The following WDFY3 variants were observed in gnomAD, a reference collection of about 807,000 sequenced individuals.
WDFY3 encodes WD repeat and FYVE domain containing 3, also known as WD repeat and FYVE domain-containing protein 3.
A neutral mutation model predicts 409.6 loss-of-function variants in WDFY3; 66 were observed. The ratio of observed to expected loss-of-function variants is 0.16; its 90% CI spans 0.13 to 0.20. The LOEUF (loss-of-function observed/expected upper bound fraction) is 0.20. Among genes scored for constraint, WDFY3 ranks in the 10% least tolerant of loss-of-function variants. WDFY3 has a pLI of 1.00. For synonymous variants in WDFY3, 1,521 were observed against 1,537.1 expected, an observed-to-expected ratio of 0.99 and a Z score of 0.25; for missense variants, 3,031 against 4,298.1, an observed-to-expected ratio of 0.71 and a Z score of 8.24.
intron 49 of WDFY3, among the ~76,000 whole-genome samples, chr4:84,715,762 G>T (rs1407144804): frequency 7.4e-6 from 1 of 134,912 alleles, no homozygotes; most frequent in East Asian, 2.2e-4. Context: ...GCAACAGAGC[G>T]AGACTCTGTC....
intron 30 of WDFY3, 35 bp from the exon 31 acceptor site, chr4:84,766,407 TA>T: frequency 6.5e-7 from 1 of 1,541,584 alleles, no homozygotes; most frequent in Non-Finnish European, 8.7e-7. Flanking sequence ...ATCTCCCTAG[TA>T]GATAAGCTAA....
intron 2 of WDFY3, among the ~76,000 whole-genome samples, chr4:84,917,204 T>A (rs186754673): frequency 2.9e-4 from 44 of 152,264 alleles, no homozygotes; most frequent in Non-Finnish European, 5.4e-4. Context: ...CTTTTTTCTA[T>A]AAACTTCAGT....
intron 1 of WDFY3, among the ~76,000 whole-genome samples, chr4:84,933,621 A>G (rs1273791798): frequency 1.3e-5 from 2 of 151,978 alleles, no homozygotes; most frequent in African/African-American, 4.8e-5. Flanking sequence ...TAGATCTTAT[A>G]CATTCTTTCT....
chr4:84,776,951 G>A (rs1042541722), intron 27 of WDFY3, among the ~76,000 whole-genome samples: 1 of 152,054 alleles, frequency 6.6e-6, no homozygotes, highest in African/African-American at 2.4e-5. Context: ...GTATGAATAG[G>A]AGAAGAATTG....
chr4:84,828,414 G>T (rs1410019564), intron 9 of WDFY3, among the ~76,000 whole-genome samples: 1 of 151,988 alleles, frequency 6.6e-6, no homozygotes, highest in Non-Finnish European at 1.5e-5. Flanking sequence ...ATAAAATAAA[G>T]AACCAAAAAT....
intron 9 of WDFY3, among the ~76,000 whole-genome samples, chr4:84,828,166 G>A (rs1386148813): frequency 6.6e-6 from 1 of 152,050 alleles, no homozygotes; most frequent in Non-Finnish European, 1.5e-5. Flanking sequence ...TAGATCAAAT[G>A]ATTTAAAAAT....
chr4:84,774,982 C>A lies in WDFY3; in HGVS notation c.4593-1G>T. Reference sequence around the variant, plus strand: ...TAATTTGGCATTCTTTGAGGCTTCACTATAAGAGAAAGAAGATTTTATACA... The same window carrying A: ...TAATTTGGCATTCTTTGAGGCTTCAATATAAGAGAAAGAAGATTTTATACA... On this transcript the variant is annotated splice_acceptor_variant, in intron 28 of 67. Coordinates refer to ENST00000295888, the MANE Select transcript of WDFY3 (RefSeq NM_014991.6). LOFTEE classifies it high-confidence loss of function. 6.2e-7 allele frequency: 1 copy of A among 1,613,510 alleles called. No homozygotes were observed. Among genetic ancestry groups the A allele is most frequent in the Non-Finnish European group, 8.5e-7 (1 of 1,179,762 alleles).
Position 84,911,417 on chromosome 4 carries a change from T to C in WDFY3, c.-131-14407A>G, listed in dbSNP as rs966725506. The stretch of plus-strand genomic sequence containing the variant: ...CAACAGGATTCCTTGAGCCCAGGAA[T>C]TGAGGGTTAAAGTGAGGTATAATCG... On this transcript the variant is annotated intron_variant, in intron 2 of 67. Transcript: ENST00000295888. Among the ~76,000 whole-genome samples, 6 of 152,178 alleles carry C rather than the reference T, an allele frequency of 3.9e-5. No homozygotes were observed. The East Asian group carries it at 7.8e-4, about 20-fold the overall frequency.
chr4:84,772,085 T>C (rs1744773381), intron 30 of WDFY3, among the ~76,000 whole-genome samples: 2 of 152,186 alleles, frequency 1.3e-5, no homozygotes, highest in African/African-American at 4.8e-5. Flanking sequence ...TCCAGGTAGA[T>C]GGGGTTGTAT....
chr4:84,894,604 TA>T (rs1241872989), intron 3 of WDFY3, among the ~76,000 whole-genome samples: 4 of 151,960 alleles, frequency 2.6e-5, no homozygotes, highest in African/African-American at 9.7e-5. Context: ...CTGGCCAACA[TA>T]GTGAAACCCT....
At chr4:84,832,911 G>T (rs1755958399) in intron 7 of WDFY3, among the ~76,000 whole-genome samples, 1 of 150,778 alleles carries the variant, frequency 6.6e-6, no homozygotes, top group South Asian at 2.1e-4. Context: ...GACAGTTTTA[G>T]AAAAAAAAGG....
intron 3 of WDFY3, among the ~76,000 whole-genome samples, chr4:84,893,891 G>A (rs1163092529): frequency 1.3e-5 from 2 of 152,048 alleles, no homozygotes; most frequent in African/African-American, 4.8e-5. Flanking sequence ...TCAGGAGGCT[G>A]AGGCAGAGAA....
At chr4:84,683,652 G>A (rs1224240349) in intron 63 of WDFY3, among the ~76,000 whole-genome samples, 1 of 152,134 alleles carries the variant, frequency 6.6e-6, no homozygotes, top group Non-Finnish European at 1.5e-5. Flanking sequence ...TCTGCAGTTC[G>A]CATGTTGAGC....
chr4:84,882,255 T>C (rs899729028), intron 3 of WDFY3, among the ~76,000 whole-genome samples: 1 of 152,114 alleles, frequency 6.6e-6, no homozygotes, highest in Admixed American at 6.5e-5. Flanking sequence ...CTACCACAGG[T>C]ATAATAAAAG....
In WDFY3 at chr4:84,766,334, G is replaced by C; in HGVS notation, c.4888C>G (p.Leu1630Val). 1 of 1,603,474 alleles carries C rather than the reference G, an allele frequency of 6.2e-7. No homozygotes were observed. The highest frequency in any genetic ancestry group is 8.5e-7 in the Non-Finnish European group (1 of 1,176,838). ...EEFGGLVSAN[L>V]ILLRNRLLDI... is the part of the protein sequence containing the mutation. ...AGAAGTCTGTTCCTCAAAAGTATAA[G>C]ATTAGCTGATACAAGACCTCCAAAC... The change falls in exon 31 of 68, where the codon CTT becomes GTT. Residue 1630 changes from leucine to valine, a missense_variant. Leu to Val is a conservative substitution (Grantham distance 32). Around this residue, in one of 16 missense-constraint regions of WDFY3, gnomAD observed 342 missense variants for 463.7 expected, o/e 0.74. Transcript: ENST00000295888.
intron 3 of WDFY3, among the ~76,000 whole-genome samples, chr4:84,873,775 T>G (rs960789137): frequency 4.0e-5 from 6 of 149,914 alleles, no homozygotes; most frequent in South Asian, 2.1e-4. Context: ...TTTTTTGTGT[T>G]TTTTTTTTGT....
intron 48 of WDFY3, among the ~76,000 whole-genome samples, chr4:84,717,916 C>T (rs867483203): frequency 7.9e-5 from 12 of 151,686 alleles, no homozygotes; most frequent in Non-Finnish European, 1.2e-4. Context: ...GGCGTGGTGG[C>T]GGGCGCCTGT....
chr4:84,760,735 G>A (rs2149356413), intron 32 of WDFY3, among the ~76,000 whole-genome samples: 1 of 147,114 alleles, frequency 6.8e-6, no homozygotes, highest in Non-Finnish European at 1.5e-5. Flanking sequence ...TATCAATTTT[G>A]TTGATCCTTT....
At chr4:84,902,710 C>T (rs775416089) in intron 2 of WDFY3, among the ~76,000 whole-genome samples, 1 of 152,154 alleles carries the variant, frequency 6.6e-6, no homozygotes, top group Admixed American at 6.5e-5. Flanking sequence ...AAAGGAAAAG[C>T]CTTTTTCTCC....
Sources: gnomAD v4.1 joint callset for allele counts (sites outside exome capture counted in the v4.1 genomes callset) on GRCh38, gnomAD v4.1.1 for gene constraint, gnomAD v4.1.1 regional missense constraint, MANE v1.5 for transcripts, NCBI Gene and HGNC (gene_info 2026-07-23, HGNC 2026-07-21) for gene names.